Variants in RELN observed in about 807,000 individuals in gnomAD.
The protein encoded by RELN is reelin.
A neutral mutation model predicts 427.6 loss-of-function variants in RELN; 108 were observed. The ratio of observed to expected loss-of-function variants is 0.25; its 90% CI spans 0.22 to 0.30. RELN has a LOEUF of 0.30. Among genes scored for constraint, RELN ranks in the 10% least tolerant of loss-of-function variants. RELN has a pLI of 1.00. For synonymous variants in RELN, 1,524 were observed against 1,513.4 expected (o/e 1.01, Z -0.16); for missense variants, 3,715 against 4,302.8 (o/e 0.86, Z 3.82).
intron 2 of RELN, among the ~76,000 whole-genome samples, chr7:103,839,307 T>C (rs1244391713): frequency 2.0e-5 from 3 of 150,064 alleles, no homozygotes; most frequent in Admixed American, 2.0e-4. Flanking sequence ...TCTTTGCTTT[T>C]TTTTTTTTTT....
At chr7:103,611,355 T>G (rs1831950418) in intron 21 of RELN, among the ~76,000 whole-genome samples, 2 of 152,182 alleles carry the variant, frequency 1.3e-5, no homozygotes, top group African/African-American at 4.8e-5. Context: ...CAAAACATCA[T>G]TTGAGGGTAG....
At chr7:103,549,519 T>C (rs1284831091) in intron 41 of RELN, among the ~76,000 whole-genome samples, 1 of 152,248 alleles carries the variant, frequency 6.6e-6, no homozygotes, top group Non-Finnish European at 1.5e-5. Context: ...TCTAGGCCTT[T>C]CCCCTTGCCT....
chr7:103,899,399 G>A (rs58835721), intron 2 of RELN, among the ~76,000 whole-genome samples: 5 of 151,876 alleles, frequency 3.3e-5, no homozygotes, highest in Middle Eastern at 3.4e-3. Flanking sequence ...CTGAAACTAT[G>A]CCGAACATTA....
intron 6 of RELN, among the ~76,000 whole-genome samples, chr7:103,746,913 G>A (rs1329715243): frequency 6.6e-6 from 1 of 151,930 alleles, no homozygotes; most frequent in East Asian, 1.9e-4. Context: ...CCCATTACTG[G>A]GTATATACCC....
chr7:103,676,029 T>C (rs1833513483), intron 11 of RELN, among the ~76,000 whole-genome samples: 2 of 152,000 alleles, frequency 1.3e-5, no homozygotes, highest in Admixed American at 6.6e-5. Flanking sequence ...AAAGCCAAAA[T>C]TGACAAATGG....
intron 2 of RELN, among the ~76,000 whole-genome samples, chr7:103,851,664 T>C (rs1012773285): frequency 6.6e-6 from 1 of 152,222 alleles, no homozygotes; most frequent in African/African-American, 2.4e-5. Flanking sequence ...TCAATGCTTT[T>C]TCTGCCACTC....
chr7:103,858,330 T>C (rs1486946918), intron 2 of RELN, among the ~76,000 whole-genome samples: 5 of 152,184 alleles, frequency 3.3e-5, no homozygotes, highest in Non-Finnish European at 7.3e-5. Context: ...GCAAAACTCT[T>C]AGTATAGTAC....
chr7:103,865,725 A>G (rs940760825), intron 2 of RELN, among the ~76,000 whole-genome samples: 4 of 152,166 alleles, frequency 2.6e-5, no homozygotes, highest in African/African-American at 9.6e-5. Context: ...CTCTCAAAAA[A>G]CTACGTACAG....
intron 40 of RELN, 88 bp from the exon 41 acceptor site, chr7:103,551,384 T>C: frequency 2.2e-6 from 2 of 927,172 alleles, no homozygotes; most frequent in Admixed American, 4.0e-5. Flanking sequence ...CTAGGGTCCA[T>C]TTTCCTGGGA....
intron 37 of RELN, among the ~76,000 whole-genome samples, chr7:103,557,635 G>A (rs528905193): frequency 5.9e-5 from 9 of 152,144 alleles, no homozygotes; most frequent in Admixed American, 4.6e-4. Context: ...GAAAATCCAC[G>A]TTTTTCATAA....
intron 41 of RELN, among the ~76,000 whole-genome samples, chr7:103,546,955 C>T (rs1039859044): frequency 3.3e-5 from 5 of 152,168 alleles, no homozygotes; most frequent in African/African-American, 9.7e-5. Flanking sequence ...ATTGTCCTAT[C>T]ATGTTGCTGA....
intron 3 of RELN, among the ~76,000 whole-genome samples, chr7:103,787,257 A>T (rs1792040812): frequency 6.6e-6 from 1 of 152,180 alleles, no homozygotes; most frequent in Non-Finnish European, 1.5e-5. Flanking sequence ...GAAAGATCTA[A>T]AATCAGCACC....
In RELN at chr7:103,699,028, G is replaced by A. The variant is rs561064333; in HGVS notation, c.903-935C>T. Among the ~76,000 whole-genome samples, 5 of 152,122 alleles carry A rather than the reference G, an allele frequency of 3.3e-5. No individual in the cohort carries two copies. The South Asian group carries it at 1.0e-3, about 32-fold the overall frequency. ...TCACATAGATCATCCTCAAAAACAT[G>A]ATATAACATGATTTTTTATATTACC... On this transcript the variant is annotated intron_variant, in intron 9 of 64. Transcript: ENST00000428762.
intron 22 of RELN, among the ~76,000 whole-genome samples, chr7:103,608,960 T>C (rs1411626010): frequency 6.6e-6 from 1 of 152,122 alleles, no homozygotes; most frequent in Non-Finnish European, 1.5e-5. Context: ...CGGTGGGTCA[T>C]GCCTATAATT....
intron 8 of RELN, among the ~76,000 whole-genome samples, chr7:103,712,670 C>T (rs1789835138): frequency 6.6e-6 from 1 of 152,204 alleles, no homozygotes; most frequent in Admixed American, 6.5e-5. Context: ...TCAGGTCTTG[C>T]TGCCAAATGA....
intron 60 of RELN, among the ~76,000 whole-genome samples, chr7:103,488,161 AG>A (rs1828511499): frequency 6.7e-6 from 1 of 150,264 alleles, no homozygotes; most frequent in African/African-American, 2.5e-5. Context: ...AAAAAAAAAA[AG>A]ATATTCAGTA....
intron 52 of RELN, 137 bp from the exon 53 acceptor site, chr7:103,501,059 A>C (rs1829010968): frequency 1.3e-6 from 1 of 789,018 alleles, no homozygotes; most frequent in Non-Finnish European, 2.1e-6. Context: ...TTAATAAAAA[A>C]TGTTTTCTGA....
intron 64 of RELN, 24 bp downstream of exon 64, chr7:103,478,365 C>T (rs1274208713): frequency 1.3e-6 from 1 of 756,966 alleles, no homozygotes; most frequent in Admixed American, 1.7e-5. Flanking sequence ...AAACAGTTCC[C>T]CAGATTTAGT....
chr7:103,514,003 A>T (rs1387857686), intron 50 of RELN: 1 of 151,898 alleles, frequency 6.6e-6, no homozygotes, highest in East Asian at 1.9e-4. Flanking sequence ...AAATTTTTAA[A>T]CTCCTCAAGT....
Sources: gnomAD v4.1 joint callset for allele counts (sites outside exome capture counted in the v4.1 genomes callset) on GRCh38, gnomAD v4.1.1 for gene constraint, MANE v1.5 for transcripts, NCBI Gene and HGNC (gene_info 2026-07-23, HGNC 2026-07-21) for gene names.